LCOR: variants seen among roughly 807,000 people sequenced by gnomAD.
LCOR encodes ligand dependent nuclear receptor corepressor.
LCOR carries 14 observed loss-of-function variants against 64.4 expected under a neutral mutation model. That is an observed-to-expected ratio of 0.22 (90% CI 0.14 to 0.34). The LOEUF (loss-of-function observed/expected upper bound fraction) is 0.34, where lower values mean the gene tolerates loss of function less well. LCOR is among the 10% of genes least tolerant of loss of function. The pLI, the probability that LCOR is intolerant of heterozygous loss-of-function variation, is 1.00. For synonymous variants in LCOR, 643 were observed against 642.5 expected, an observed-to-expected ratio of 1.00 and a Z score of -0.01; for missense variants, 1,686 against 1,765.3, an observed-to-expected ratio of 0.96 and a Z score of 0.80.
At position 96,982,390 on chromosome 10, in the gene LCOR, A is replaced by G; in HGVS notation, c.1930A>G (p.Met644Val). Residue 644 changes from methionine (M) to valine (V), a missense_variant, in exon 8 of 8, where the codon ATG becomes GTG. By Grantham distance (21) the Met-to-Val change is conservative. Around this residue, in one of 3 missense-constraint regions of LCOR, gnomAD observed 1,293 missense variants for 1,410.4 expected, o/e 0.92. Transcript: ENST00000421806. The stretch of plus-strand genomic sequence containing the variant: ...AGTCTCAGCTCCCACAGCAAGTGGG[A>G]TGTCTTCTCCTGAACACAACCAACC... ...STVSAPTASG[M>V]SSPEHNQPPV... is the part of the protein sequence containing the mutation. 1 of 1,614,216 alleles carries G rather than the reference A, an allele frequency of 6.2e-7. No homozygotes were observed. Among genetic ancestry groups the G allele is most frequent in the South Asian group, 1.1e-5 (1 of 91,084 alleles).
intron 2 of LCOR, among the ~76,000 whole-genome samples, chr10:96,872,944 G>A (rs1846096967): frequency 1.4e-5 from 2 of 147,124 alleles, no homozygotes; most frequent in Non-Finnish European, 3.0e-5. Context: ...ACCAAATACT[G>A]TAGTATTATA....
intron 2 of LCOR, among the ~76,000 whole-genome samples, chr10:96,869,576 TTTTTTTTTTC>T (rs1427025743): frequency 6.6e-6 from 1 of 151,544 alleles, no homozygotes; most frequent in Non-Finnish European, 1.5e-5. Context: ...TTTCTTTTTT[TTTTTTTTTTC>T]TTTTTTTAGA....
chr10:96,964,312 A>G (rs1013899961), intron 7 of LCOR: 1 of 147,288 alleles, frequency 6.8e-6, no homozygotes, highest in African/African-American at 2.5e-5. Context: ...TAATGGTTCC[A>G]TTGTATTATT....
At chr10:96,952,726 T>A (rs1284010439) in intron 7 of LCOR, among the ~76,000 whole-genome samples, 1 of 152,216 alleles carries the variant, frequency 6.6e-6, no homozygotes, top group African/African-American at 2.4e-5. Context: ...TATTACTTGC[T>A]CAGTTTTGAT....
At chr10:96,963,213 A>T (rs987720673) in intron 7 of LCOR, 2 of 150,494 alleles carry the variant, frequency 1.3e-5, no homozygotes, top group Non-Finnish European at 2.9e-5. Flanking sequence ...TTAACAGTGT[A>T]TTTTTTAAAA....
rs750502056 is a variant in LCOR, at chr10:96,987,249, A to T, written c.*2115A>T. 7 of 152,254 alleles carry T rather than the reference A, an allele frequency of 4.6e-5. No homozygotes were observed. Among genetic ancestry groups the T allele is most frequent in the Non-Finnish European group, 7.3e-5 (5 of 68,054 alleles). 9.4% of individuals were successfully genotyped at this position (152,254 alleles called of 1,614,324 possible). On this transcript the variant is annotated 3_prime_UTR_variant, in exon 8 of 8. Transcript: ENST00000421806. The stretch of plus-strand genomic sequence containing the variant: ...TTTAAGGTTTTAAAAATGTCTTTTC[A>T]TATAGTTGTCACTGGATATTGTGTT...
At chr10:96,858,659 T>G (rs552160601) in intron 2 of LCOR, among the ~76,000 whole-genome samples, 13 of 152,244 alleles carry the variant, frequency 8.5e-5, no homozygotes, top group Non-Finnish European at 1.8e-4. Context: ...GGGATGATCA[T>G]AATGTGGAGT....
At chr10:96,936,931 CAA>C (rs1339933936) in intron 4 of LCOR, among the ~76,000 whole-genome samples, 4 of 152,260 alleles carry the variant, frequency 2.6e-5, no homozygotes, top group Non-Finnish European at 2.9e-5. Flanking sequence ...ACAATTATAA[CAA>C]TATACTATAA....
intron 4 of LCOR, among the ~76,000 whole-genome samples, chr10:96,936,834 T>C (rs996059110): frequency 2.0e-5 from 3 of 152,244 alleles, no homozygotes; most frequent in Non-Finnish European, 4.4e-5. Flanking sequence ...ATATATACTA[T>C]GTTTTTTTCC....
chr10:96,951,666 T>G (rs1847683102), intron 6 of LCOR, among the ~76,000 whole-genome samples: 1 of 152,140 alleles, frequency 6.6e-6, no homozygotes, highest in South Asian at 2.1e-4. Context: ...TATGTACTTT[T>G]GGAGTTTCAG....
At position 96,982,111 on chromosome 10, in the gene LCOR, C is replaced by T. The variant is rs1419133193; in HGVS notation, c.1651C>T (p.Pro551Ser). 1.2e-6 allele frequency: 2 copies of T among 1,614,126 alleles called. No homozygotes were observed. The highest frequency in any genetic ancestry group is 1.7e-6 in the Non-Finnish European group (2 of 1,180,018). Residue 551 changes from proline (P) to serine (S), a missense_variant, in exon 8 of 8, where the codon CCT (proline) becomes TCT (serine). This residue lies in a region of LCOR where 1,293 missense variants were observed against 1,410.4 expected (regional missense o/e 0.92). Coordinates refer to ENST00000421806, the MANE Select transcript of LCOR (RefSeq NM_001346516.2). ...TPKQTLTIPA[P>S]RHTVDVQLPR... is the part of the protein sequence containing the mutation. The stretch of plus-strand genomic sequence containing the variant: ...TAAGCAGACCCTTACAATTCCAGCC[C>T]CTAGACATACAGTAGATGTGCAGCT...
intron 2 of LCOR, among the ~76,000 whole-genome samples, chr10:96,866,681 T>C (rs898938845): frequency 1.3e-5 from 2 of 152,052 alleles, no homozygotes; most frequent in Non-Finnish European, 2.9e-5. Flanking sequence ...TTCAAGCAAT[T>C]CTCCTGCCTC....
chr10:96,927,221 A>AGTG (rs1847184287), intron 4 of LCOR, among the ~76,000 whole-genome samples: 1 of 152,058 alleles, frequency 6.6e-6, no homozygotes, highest in African/African-American at 2.4e-5. Context: ...GGGTGTGTGT[A>AGTG]GTGGTATCTC....
intron 2 of LCOR, among the ~76,000 whole-genome samples, chr10:96,851,278 T>C (rs1258041254): frequency 2.6e-5 from 4 of 152,182 alleles, no homozygotes; most frequent in Non-Finnish European, 5.9e-5. Context: ...CATGTACTTT[T>C]CCCCAAATGT....
chr10:96,958,477 T>C, intron 7 of LCOR: 1 of 919,704 alleles, frequency 1.1e-6, no homozygotes, highest in Non-Finnish European at 1.7e-6. Flanking sequence ...TAAGAGAACT[T>C]GTATTGTGTC....
chr10:96,903,268 A>G (rs1412776875), intron 2 of LCOR, among the ~76,000 whole-genome samples: 2 of 152,160 alleles, frequency 1.3e-5, no homozygotes, highest in African/African-American at 4.8e-5. Flanking sequence ...CACTAAATTT[A>G]CTTAGGAATA....
At chr10:96,886,414 T>TA (rs1188029292) in intron 2 of LCOR, among the ~76,000 whole-genome samples, 1 of 152,226 alleles carries the variant, frequency 6.6e-6, no homozygotes, top group Admixed American at 6.5e-5. Flanking sequence ...ATGACCGTGC[T>TA]AAAAAAGTTT....
intron 7 of LCOR, among the ~76,000 whole-genome samples, chr10:96,970,547 A>G (rs1847989582): frequency 6.6e-6 from 1 of 152,002 alleles, no homozygotes; most frequent in African/African-American, 2.4e-5. Context: ...TAGTTTTTCA[A>G]ATTGGGTTGA....
intron 2 of LCOR, among the ~76,000 whole-genome samples, chr10:96,843,869 G>T (rs1223247787): frequency 6.6e-6 from 1 of 151,964 alleles, no homozygotes; most frequent in Non-Finnish European, 1.5e-5. Context: ...AGAAGTTTTT[G>T]CTTCTGTTTT....
Sources: gnomAD v4.1 joint callset for allele counts (sites outside exome capture counted in the v4.1 genomes callset) on GRCh38, gnomAD v4.1.1 for gene constraint, gnomAD v4.1.1 regional missense constraint, MANE v1.5 for transcripts, NCBI Gene and HGNC (gene_info 2026-07-23, HGNC 2026-07-21) for gene names.